CDH12: variants seen among roughly 807,000 people sequenced by gnomAD.
CDH12 encodes cadherin-12.
CDH12 carries 41 observed loss-of-function variants against 74.1 expected under a neutral mutation model. The observed-to-expected ratio is 0.55, with a 90% CI of 0.43 to 0.72. CDH12 has a LOEUF of 0.72. Ranked by LOEUF, CDH12 falls within the 30% of genes least tolerant of loss-of-function variation. The probability of loss-of-function intolerance (pLI) is 0.00; values close to 1 mark genes in which losing one functional copy is unlikely to be tolerated. For missense variants in CDH12, 945 were observed against 977.2 expected, an observed-to-expected ratio of 0.97 and a Z score of 0.44; for synonymous variants, 399 against 355.0, an observed-to-expected ratio of 1.12 and a Z score of -1.39.
chr5:21,939,084 G>GA (rs920762540), intron 6 of CDH12, among the ~76,000 whole-genome samples: 2 of 151,130 alleles, frequency 1.3e-5, no homozygotes, highest in Non-Finnish European at 3.0e-5. Context: ...ACATGTTATA[G>GA]AAAAAAATGC....
chr5:22,156,707 A>C (rs540944450), intron 4 of CDH12, among the ~76,000 whole-genome samples: 16 of 152,238 alleles, frequency 1.1e-4, no homozygotes, highest in African/African-American at 3.9e-4. Flanking sequence ...GCACCAGAGA[A>C]CTGAGACATT....
At chr5:21,890,865 A>G (rs1445326698) in intron 6 of CDH12, among the ~76,000 whole-genome samples, 2 of 152,156 alleles carry the variant, frequency 1.3e-5, no homozygotes, top group East Asian at 3.8e-4. Context: ...AAGAAAGAGC[A>G]AAAATAGAAA....
At chr5:21,971,953 GA>G (rs1756871373) in intron 6 of CDH12, among the ~76,000 whole-genome samples, 1 of 151,938 alleles carries the variant, frequency 6.6e-6, no homozygotes, top group Admixed American at 6.6e-5. Context: ...TCAACTTTAG[GA>G]AAATTAAATA....
intron 1 of CDH12, among the ~76,000 whole-genome samples, chr5:22,769,427 G>T (rs1746692269): frequency 6.6e-6 from 1 of 152,076 alleles, no homozygotes; most frequent in African/African-American, 2.4e-5. Context: ...CCAGTGGTTT[G>T]CCCAGGGCTC....
Position 22,304,074 on chromosome 5 carries a change from G to A in CDH12, c.-332-91431C>T, listed in dbSNP as rs539055894. On this transcript the variant is annotated intron_variant, in intron 3 of 14. Coordinates refer to ENST00000382254, the MANE Select transcript of CDH12 (RefSeq NM_004061.5). ...CATAAATGAGAATTATTTAATAAAA[G>A]TTTTCTGTCAGGTCACATATTACTC... Among the ~76,000 whole-genome samples, 11 of 152,110 alleles carry A rather than the reference G, an allele frequency of 7.2e-5. 1 individual carries two copies. In the South Asian group the frequency reaches 2.3e-3, roughly 32 times the overall value.
At chr5:22,417,169 A>T (rs1007875049) in intron 2 of CDH12, among the ~76,000 whole-genome samples, 4 of 152,252 alleles carry the variant, frequency 2.6e-5, no homozygotes, top group Non-Finnish European at 5.9e-5. Context: ...TTGCATTTTA[A>T]GAAAAAATAA....
chr5:22,048,324 T>G (rs367954747), intron 5 of CDH12, among the ~76,000 whole-genome samples: 1 of 152,074 alleles, frequency 6.6e-6, no homozygotes. Context: ...GAAATTGAGA[T>G]AGAGTACTGA....
intron 3 of CDH12, among the ~76,000 whole-genome samples, chr5:22,373,355 TG>T (rs924638912): frequency 1.3e-5 from 2 of 152,168 alleles, no homozygotes; most frequent in Non-Finnish European, 1.5e-5. Flanking sequence ...TCCAGTGGGT[TG>T]CCCCCACAAC....
intron 1 of CDH12, among the ~76,000 whole-genome samples, chr5:22,828,929 T>C (rs1191849211): frequency 2.0e-5 from 3 of 152,186 alleles, no homozygotes; most frequent in Non-Finnish European, 4.4e-5. Flanking sequence ...CATATGCTAA[T>C]GGAAAAGTTA....
At chr5:21,997,791 C>T (rs928244968) in intron 5 of CDH12, among the ~76,000 whole-genome samples, 1 of 152,042 alleles carries the variant, frequency 6.6e-6, no homozygotes, top group Non-Finnish European at 1.5e-5. Context: ...TAAGCGAAAT[C>T]GATCTGCAAA....
chr5:22,838,249 G>C (rs1736921893), intron 1 of CDH12, among the ~76,000 whole-genome samples: 1 of 152,140 alleles, frequency 6.6e-6, no homozygotes, highest in African/African-American at 2.4e-5. Context: ...ACAGCTTCTT[G>C]TAGACCTCTT....
intron 1 of CDH12, among the ~76,000 whole-genome samples, chr5:22,758,656 T>C (rs1237062219): frequency 6.6e-6 from 1 of 152,140 alleles, no homozygotes; most frequent in African/African-American, 2.4e-5. Flanking sequence ...GTAAACTTTG[T>C]TTGCTTTAAT....
chr5:22,830,109 A>G (rs1358796696), intron 1 of CDH12, among the ~76,000 whole-genome samples: 2 of 152,198 alleles, frequency 1.3e-5, no homozygotes, highest in Non-Finnish European at 2.9e-5. Context: ...TCCTCAGGCG[A>G]TATCATCAAA....
chr5:22,788,552 G>A (rs1325450068), intron 1 of CDH12, among the ~76,000 whole-genome samples: 1 of 147,242 alleles, frequency 6.8e-6, no homozygotes, highest in Non-Finnish European at 1.5e-5. Context: ...AATATATGTG[G>A]CATTTCAAGT....
intron 4 of CDH12, 40 bp from the exon 5 acceptor site, chr5:22,078,902 A>G: frequency 9.0e-7 from 1 of 1,107,416 alleles, no homozygotes; most frequent in East Asian, 3.2e-5. Flanking sequence ...AATTAATGAA[A>G]TTGCATGATG....
At chr5:22,113,675 C>T (rs1189299379) in intron 4 of CDH12, among the ~76,000 whole-genome samples, 3 of 152,128 alleles carry the variant, frequency 2.0e-5, no homozygotes, top group Non-Finnish European at 2.9e-5. Context: ...GGCTGTGTCA[C>T]AGGCCATGGT....
At chr5:22,033,949 A>C (rs1255213844) in intron 5 of CDH12, among the ~76,000 whole-genome samples, 1 of 152,174 alleles carries the variant, frequency 6.6e-6, no homozygotes, top group African/African-American at 2.4e-5. Flanking sequence ...AAACTCCATG[A>C]ATGTAATGAG....
At chr5:21,953,924 C>T (rs569601324) in intron 6 of CDH12, among the ~76,000 whole-genome samples, 1 of 152,188 alleles carries the variant, frequency 6.6e-6, no homozygotes, top group Admixed American at 6.6e-5. Context: ...GTCTCTCAGA[C>T]TATATCTATG....
At chr5:21,878,865 GAA>G (rs1242167551) in intron 6 of CDH12, among the ~76,000 whole-genome samples, 11 of 136,964 alleles carry the variant, frequency 8.0e-5, no homozygotes, top group African/African-American at 2.7e-4. Context: ...GAGAAAGAAA[GAA>G]AGAGAGAGAA....
Sources: gnomAD v4.1 joint callset for allele counts (sites outside exome capture counted in the v4.1 genomes callset) on GRCh38, gnomAD v4.1.1 for gene constraint, MANE v1.5 for transcripts, NCBI Gene and HGNC (gene_info 2026-07-23, HGNC 2026-07-21) for gene names.